Variants in BCL7A observed in about 807,000 individuals in gnomAD.
BCL7A encodes B-cell CLL/lymphoma 7 protein family member A.
Under a neutral mutation model 28.4 loss-of-function variants are expected in BCL7A, and 11 were observed. The observed-to-expected ratio is 0.39, with a 90% CI of 0.24 to 0.64. BCL7A has a LOEUF of 0.64. BCL7A is among the 30% of genes least tolerant of loss of function. The probability of loss-of-function intolerance (pLI) is 0.50; values close to 1 mark genes in which losing one functional copy is unlikely to be tolerated. For missense variants in BCL7A, 222 were observed against 274.8 expected (o/e 0.81, Z 1.36); for synonymous variants, 123 against 103.3 (o/e 1.19, Z -1.15).
chr12:122,056,625 A>C (rs952947480), intron 5 of BCL7A, among the ~76,000 whole-genome samples: 1 of 151,846 alleles, frequency 6.6e-6, no homozygotes, highest in African/African-American at 2.4e-5. Flanking sequence ...ACATAGCAAG[A>C]CCCCGTCTCT....
intron 4 of BCL7A, among the ~76,000 whole-genome samples, chr12:122,051,911 T>C (rs1884199953): frequency 7.2e-6 from 1 of 139,444 alleles, no homozygotes; most frequent in East Asian, 2.3e-4. Flanking sequence ...TCTCACTCTG[T>C]CACCCAGGCT....
In BCL7A at chr12:122,060,323, T is replaced by C. The variant is rs1951910512; in HGVS notation, c.*1160T>C. The C allele has an allele frequency of 4.3e-6, 1 of 232,798 alleles. No homozygotes were observed. The allele number at this position is 232,798 out of a possible 1,614,324, so 14.4% of individuals were successfully genotyped here. A position where few individuals can be genotyped will look rare whatever the true frequency, so the allele number is the denominator to read the frequency against. On this transcript the variant is annotated 3_prime_UTR_variant, in exon 6 of 6. Coordinates refer to ENST00000261822, the MANE Select transcript of BCL7A (RefSeq NM_001024808.3). ...TGGACCGTGTCTCATCCCCAGAACA[T>C]GCCGTCTGTCCCCACCGGGGAGTGG...
At chr12:122,056,050 G>A (rs780814490) in intron 5 of BCL7A, among the ~76,000 whole-genome samples, 6 of 152,202 alleles carry the variant, frequency 3.9e-5, no homozygotes, top group Non-Finnish European at 8.8e-5. Context: ...AGACTAGGGC[G>A]CAGCCATCTA....
chr12:122,033,301 T>C (rs1386044471), intron 2 of BCL7A, among the ~76,000 whole-genome samples: 1 of 151,848 alleles, frequency 6.6e-6, no homozygotes, highest in Non-Finnish European at 1.5e-5. Flanking sequence ...GGCTAATTTA[T>C]TTATTATTTT....
chr12:122,053,020 C>T (rs1005915419), intron 4 of BCL7A, among the ~76,000 whole-genome samples: 4 of 143,056 alleles, frequency 2.8e-5, no homozygotes, highest in African/African-American at 1.0e-4. Flanking sequence ...TTTTTTGAGA[C>T]AGTCTTACTC....
intron 1 of BCL7A, among the ~76,000 whole-genome samples, chr12:122,028,249 A>C (rs970844867): frequency 1.3e-5 from 2 of 152,148 alleles, no homozygotes; most frequent in Admixed American, 6.5e-5. Context: ...GGGCAAAGAG[A>C]GGCACGAAAG....
At chr12:122,051,160 C>A (rs972833449) in intron 4 of BCL7A, among the ~76,000 whole-genome samples, 1 of 152,188 alleles carries the variant, frequency 6.6e-6, no homozygotes, top group African/African-American at 2.4e-5. Context: ...GCCACTACCA[C>A]CAGATGCTAA....
intron 5 of BCL7A, among the ~76,000 whole-genome samples, chr12:122,055,422 C>T (rs1178371137): frequency 6.6e-6 from 1 of 152,114 alleles, no homozygotes; most frequent in African/African-American, 2.4e-5. Context: ...CAGTGGGGCC[C>T]GGTGGTTAGG....
intron 1 of BCL7A, among the ~76,000 whole-genome samples, chr12:122,023,026 A>C (rs1451114482): frequency 1.3e-5 from 2 of 152,092 alleles, no homozygotes; most frequent in Admixed American, 6.5e-5. Flanking sequence ...TGTTCTCTGC[A>C]CCGGGGAGAG....
chr12:122,046,907 T>G (rs111518936), intron 4 of BCL7A, among the ~76,000 whole-genome samples: 5,827 of 151,330 alleles, frequency 0.039, 351 homozygotes, highest in African/African-American at 0.13. Context: ...TTCTTGGGTT[T>G]TTTTTTTTTT....
In BCL7A at chr12:122,021,931, T is replaced by G; in HGVS notation, c.-161T>G. 1 of 411,634 alleles carries G rather than the reference T, an allele frequency of 2.4e-6. No individual in the cohort carries two copies. The highest frequency in any genetic ancestry group is 4.4e-6 in the Non-Finnish European group (1 of 226,952). The allele number at this position is 411,634 out of a possible 1,614,324, so 25.5% of individuals were successfully genotyped here. A position where few individuals can be genotyped will look rare whatever the true frequency, so the allele number is the denominator to read the frequency against. ...GCCCCGGGCTTTGTGTGTGTGTGTA[T>G]GTGTGTGTGTGTGTGTGTGTGTGTG... On this transcript the variant is annotated 5_prime_UTR_variant, in exon 1 of 6. An upstream start codon of the reference 5' UTR is lost. Transcript: ENST00000261822.
At chr12:122,043,084 T>C (rs1403021706) in intron 3 of BCL7A, among the ~76,000 whole-genome samples, 4 of 151,868 alleles carry the variant, frequency 2.6e-5, no homozygotes, top group Admixed American at 1.3e-4. Context: ...CACCTCCCGC[T>C]GTCTCTCTCT....
chr12:122,025,470 C>G (rs565327907), intron 1 of BCL7A, among the ~76,000 whole-genome samples: 1 of 150,394 alleles, frequency 6.6e-6, no homozygotes, highest in East Asian at 2.0e-4. Flanking sequence ...TAAAAAAATA[C>G]AAAAAAATTA....
chr12:122,035,468 G>C, intron 3 of BCL7A, 41 bp downstream of exon 3: 1 of 1,563,104 alleles, frequency 6.4e-7, no homozygotes, highest in Non-Finnish European at 8.8e-7. Flanking sequence ...GCCCAGCCCG[G>C]GGCCTTGGCC....
chr12:122,027,952 T>C (rs1204091082), intron 1 of BCL7A, among the ~76,000 whole-genome samples: 1 of 152,136 alleles, frequency 6.6e-6, no homozygotes, highest in African/African-American at 2.4e-5. Context: ...TGGTGATGGT[T>C]TTGGGGGGCA....
At position 122,060,095 on chromosome 12, in the gene BCL7A, C is replaced by T. The variant is rs139372923; in HGVS notation, c.*932C>T. On this transcript the variant is annotated 3_prime_UTR_variant, in exon 6 of 6. Coordinates refer to ENST00000261822, the MANE Select transcript of BCL7A (RefSeq NM_001024808.3). The stretch of plus-strand genomic sequence containing the variant: ...CTGTCTCCTTAAGGCACTGAGTGGG[C>T]CGGGGAGGCTGGGAGCCGGCGGCAG... 566 of 233,066 alleles carry T rather than the reference C, an allele frequency of 2.4e-3. 7 individuals carry two copies. Among genetic ancestry groups the T allele is most frequent in the African/African-American group, 0.012 (530 of 45,374 alleles). 14.4% of individuals were successfully genotyped at this position (233,066 alleles called of 1,614,324 possible).
At chr12:122,043,295 A>C (rs1883997330) in intron 3 of BCL7A, among the ~76,000 whole-genome samples, 1 of 151,924 alleles carries the variant, frequency 6.6e-6, no homozygotes, top group African/African-American at 2.4e-5. Flanking sequence ...CACCATCCCC[A>C]GCTGGCTGCC....
rs7311905 is a variant in BCL7A, at chr12:122,054,373, C to A, written c.440-432C>A. On this transcript the variant is annotated intron_variant, in intron 4 of 5. Transcript: ENST00000261822. ...AAGTGCTGGGATTACAGGCCTGAGC[C>A]ACCGTGCCCGGCCAAATACCCATAT... Among the ~76,000 whole-genome samples, 285 of 152,342 alleles carry A rather than the reference C, an allele frequency of 1.9e-3. 1 individual carries two copies. Among genetic ancestry groups the A allele is most frequent in the African/African-American group, 6.7e-3 (279 of 41,568 alleles).
chr12:122,041,619 C>T (rs1265003262), intron 3 of BCL7A, among the ~76,000 whole-genome samples: 1 of 152,114 alleles, frequency 6.6e-6, no homozygotes, highest in Non-Finnish European at 1.5e-5. Flanking sequence ...TAAAAATTAG[C>T]CAGATGCAGT....
Sources: allele counts gnomAD v4.1 joint callset (sites outside exome capture counted in the v4.1 genomes callset), GRCh38; gene constraint gnomAD v4.1.1; transcripts MANE v1.5; gene names NCBI Gene and HGNC (gene_info 2026-07-23, HGNC 2026-07-21).